DGKH: variants seen among roughly 807,000 people sequenced by gnomAD.
DGKH encodes the protein DAG kinase eta.
A neutral mutation model predicts 159.3 loss-of-function variants in DGKH; 90 were observed. The observed-to-expected ratio is 0.57, with a 90% CI of 0.48 to 0.67. The LOEUF is 0.67. Ranked by LOEUF, DGKH falls within the 30% of genes least tolerant of loss-of-function variation. The probability of loss-of-function intolerance (pLI) is 0.00; values close to 1 mark genes in which losing one functional copy is unlikely to be tolerated. For synonymous variants in DGKH, 536 were observed against 553.8 expected, an observed-to-expected ratio of 0.97 and a Z score of 0.45; for missense variants, 1,181 against 1,506.1, an observed-to-expected ratio of 0.78 and a Z score of 3.57.
In DGKH at chr13:42,049,289, T is replaced by G. The variant is rs1288841210; in HGVS notation, c.192+324T>G. ...AGCCTGGGCTCCCAGGGAGTTCGAC[T>G]GGCAGAGGCGGGTGCAGGGAACCCG... On this transcript the variant is annotated intron_variant, in intron 1 of 29. Transcript: ENST00000337343. Among the ~76,000 whole-genome samples, 5 of 151,968 alleles carry G rather than the reference T, an allele frequency of 3.3e-5. No homozygotes were observed. In the East Asian group the frequency reaches 5.8e-4, roughly 18 times the overall value.
chr13:42,092,585 A>G (rs1180741851), intron 1 of DGKH, among the ~76,000 whole-genome samples: 1 of 152,158 alleles, frequency 6.6e-6, no homozygotes, highest in Admixed American at 6.5e-5. Context: ...TGGTTACTAG[A>G]GGCTGGGAAG....
In DGKH at chr13:42,168,537, T is replaced by C; in HGVS notation, c.1216T>C (p.Leu406=). 6.2e-7 allele frequency: 1 copy of C among 1,614,196 alleles called. No individual in the cohort carries two copies. The highest frequency in any genetic ancestry group is 8.5e-7 in the Non-Finnish European group (1 of 1,179,996). ...TTTGTCAGAAATCGATAAGCTCAACTTGAATAAACAGGCAAGTGCTAATTC... is the reference window on the plus strand; with the variant it reads ...TTTGTCAGAAATCGATAAGCTCAACCTGAATAAACAGGCAAGTGCTAATTC... ...WVLSEIDKLN[L]NKQCQLGVLP... Residue 406 remains leucine (L), a synonymous_variant, in exon 10 of 30, where the codon TTG becomes CTG. Transcript: ENST00000337343.
At chr13:42,114,605 C>A (rs1271612567) in intron 1 of DGKH, among the ~76,000 whole-genome samples, 2 of 152,148 alleles carry the variant, frequency 1.3e-5, no homozygotes, top group Non-Finnish European at 2.9e-5. Flanking sequence ...TATCCAGCAG[C>A]AATTCTAATC....
At chr13:42,090,922 G>C (rs149639583) in intron 1 of DGKH, among the ~76,000 whole-genome samples, 2 of 152,108 alleles carry the variant, frequency 1.3e-5, no homozygotes, top group Non-Finnish European at 1.5e-5. Context: ...AGGAGACAGC[G>C]TTCCTTCTCT....
chr13:42,040,992 C>T (rs1038276450), intron 1 of DGKH, among the ~76,000 whole-genome samples: 3 of 151,552 alleles, frequency 2.0e-5, no homozygotes, highest in South Asian at 2.1e-4. Context: ...TTTGCTCCCC[C>T]CGCCCGGGCC....
chr13:42,103,899 G>A (rs1954698911), intron 1 of DGKH, among the ~76,000 whole-genome samples: 1 of 152,140 alleles, frequency 6.6e-6, no homozygotes, highest in African/African-American at 2.4e-5. Flanking sequence ...TATATAGAAT[G>A]ACTACTATAA....
chr13:42,213,761 G>A, intron 24 of DGKH, among the ~76,000 whole-genome samples: 1 of 152,154 alleles, frequency 6.6e-6, no homozygotes, highest in East Asian at 1.9e-4. Context: ...CACTTGAACA[G>A]CCCTGCCTTC....
chr13:42,155,568 A>T, intron 4 of DGKH, 99 bp from the exon 5 acceptor site: 1 of 1,567,300 alleles, frequency 6.4e-7, no homozygotes, highest in Non-Finnish European at 8.7e-7. Context: ...AAAATGATGG[A>T]TTTGAAAATT....
At chr13:42,070,662 G>T in intron 1 of DGKH, 1 of 1,612,468 alleles carries the variant, frequency 6.2e-7, no homozygotes, top group Non-Finnish European at 8.5e-7. Context: ...CATTTGCAGA[G>T]TGAATATACT....
At chr13:42,181,276 C>CAAAAA (rs34220072) in intron 13 of DGKH, among the ~76,000 whole-genome samples, 70 of 81,222 alleles carry the variant, frequency 8.6e-4, no homozygotes, top group Middle Eastern at 8.3e-3. Flanking sequence ...GACTCTGTCT[C>CAAAAA]AAAAAAAAAA....
At chr13:42,153,797 G>C (rs1955975481) in intron 3 of DGKH, 1 of 152,156 alleles carries the variant, frequency 6.6e-6, no homozygotes, top group African/African-American at 2.4e-5. Flanking sequence ...AGAGGGTCGT[G>C]GAAAACAAGA....
rs533390080 is a variant in DGKH, at chr13:42,252,733, G to C, written n.4127+252G>C. On this transcript the variant is annotated intron_variant and non_coding_transcript_variant, in intron 30 of 30. Transcript: ENST00000498255. ...TATGGCAACTGAGTCGGTTGGGGAA[G>C]GTCTCATGCATCCTACAACTTTTTT... Among the ~76,000 whole-genome samples the C allele has an allele frequency of 1.8e-4, 27 of 152,132 alleles. No individual in the cohort carries two copies. In the South Asian group the frequency reaches 5.2e-3, roughly 29 times the overall value.
intron 1 of DGKH, among the ~76,000 whole-genome samples, chr13:42,123,938 G>A (rs993674376): frequency 3.3e-5 from 5 of 152,148 alleles, no homozygotes; most frequent in Admixed American, 6.5e-5. Flanking sequence ...TGGCGAATAT[G>A]TTCAGTATCT....
intron 12 of DGKH, among the ~76,000 whole-genome samples, chr13:42,177,143 C>T (rs1056177096): frequency 6.6e-6 from 1 of 152,260 alleles, no homozygotes; most frequent in Middle Eastern, 3.4e-3. Context: ...CCAGGCCACC[C>T]GTCAGTGTTC....
intron 17 of DGKH, chr13:42,196,024 A>T (rs926253749): frequency 1.3e-5 from 2 of 152,242 alleles, no homozygotes; most frequent in Non-Finnish European, 2.9e-5. Flanking sequence ...GAAAATACAC[A>T]AATAGCCAGT....
chr13:42,074,624 CCA>C (rs1290062228), intron 1 of DGKH, among the ~76,000 whole-genome samples: 3 of 150,592 alleles, frequency 2.0e-5, no homozygotes, highest in African/African-American at 4.9e-5. Context: ...TCAAAACAGG[CCA>C]CTGTCTGTAT....
chr13:42,225,977 C>T (rs886624651), intron 29 of DGKH, among the ~76,000 whole-genome samples: 1 of 151,886 alleles, frequency 6.6e-6, no homozygotes, highest in African/African-American at 2.4e-5. Context: ...AGAGCTTCTG[C>T]ACAGCAAAAG....
intron 16 of DGKH, among the ~76,000 whole-genome samples, chr13:42,193,764 T>A (rs10492437): frequency 0.12 from 18,153 of 152,220 alleles, 1,544 homozygotes; most frequent in East Asian, 0.4. Context: ...GGGACTGTTT[T>A]TGAATGAGAC....
rs1310193400 is a variant in DGKH at position 42,240,709 on chromosome 13, A to G, written c.*11521A>G. The G allele has an allele frequency of 6.6e-6, 1 of 152,202 alleles. No individual in the cohort carries two copies. Among genetic ancestry groups the G allele is most frequent in the Admixed American group, 6.5e-5 (1 of 15,276 alleles). 9.4% of individuals were successfully genotyped at this position (152,202 alleles called of 1,614,324 possible). ...ATAGAATATAAAGACTAAAAATAAA[A>G]ACTATTACCTCTGGGCCTGTTTTTC... On this transcript the variant is annotated 3_prime_UTR_variant, in exon 30 of 30. Transcript: ENST00000337343.
Sources: allele counts gnomAD v4.1 joint callset (sites outside exome capture counted in the v4.1 genomes callset), GRCh38; gene constraint gnomAD v4.1.1; transcripts MANE v1.5; gene names NCBI Gene and HGNC (gene_info 2026-07-23, HGNC 2026-07-21).